The following CATSPERE variants were observed in gnomAD, a reference collection of about 807,000 sequenced individuals.
CATSPERE encodes the protein catsper channel auxiliary subunit epsilon, also known as cation channel sperm-associated auxiliary subunit epsilon.
Under a neutral mutation model 114.1 loss-of-function variants are expected in CATSPERE, and 93 were observed. The ratio of observed to expected loss-of-function variants is 0.81; its 90% confidence interval spans 0.69 to 0.97. The LOEUF is 0.97. CATSPERE is among the 50% of genes least tolerant of loss of function. CATSPERE has a pLI of 0.00. For missense variants in CATSPERE, 1,058 were observed against 1,131.6 expected, an observed-to-expected ratio of 0.93 and a Z score of 0.93; for synonymous variants, 341 against 384.1, an observed-to-expected ratio of 0.89 and a Z score of 1.31.
intron 8 of CATSPERE, among the ~76,000 whole-genome samples, chr1:244,540,238 T>C (rs1182226535): frequency 6.6e-6 from 1 of 150,992 alleles, no homozygotes; most frequent in African/African-American, 2.4e-5. Flanking sequence ...GCAGACGACA[T>C]GATTGTATAT....
intron 12 of CATSPERE, 113 bp from the exon 13 acceptor site, chr1:244,583,751 C>T (rs1051556355): frequency 1.8e-5 from 15 of 826,730 alleles, no homozygotes; most frequent in East Asian, 1.1e-4. Flanking sequence ...TAGAAATTGG[C>T]GTGGGAGGTC....
At chr1:244,520,855 G>A (rs909026549) in intron 8 of CATSPERE, among the ~76,000 whole-genome samples, 4 of 152,162 alleles carry the variant, frequency 2.6e-5, no homozygotes, top group African/African-American at 7.2e-5. Context: ...CTTGAGTAAT[G>A]TTTTAACTGA....
At position 244,461,404 on chromosome 1, in the gene CATSPERE, G is replaced by T. The variant is rs1042991027; in HGVS notation, c.-26G>T. ...AGGCCTGGACGGGAGTGGCCGAGGC[G>T]GTTGGGCGGAGGCGGAGCAGGCGCC... is the stretch of plus-strand genomic sequence containing the variant. On this transcript the variant is annotated 5_prime_UTR_variant, in exon 1 of 22. Coordinates refer to ENST00000366534, the MANE Select transcript of CATSPERE (RefSeq NM_001130957.2). The T allele has an allele frequency of 7.4e-7, 1 of 1,351,422 alleles. No homozygotes were observed. The highest frequency in any genetic ancestry group is 3.0e-5 in the East Asian group (1 of 33,078). The allele number at this position is 1,351,422 out of a possible 1,614,324, so 83.7% of individuals were successfully genotyped here. A position where few individuals can be genotyped will look rare whatever the true frequency, so the allele number is the denominator to read the frequency against.
chr1:244,616,515 C>G (rs952227374), intron 19 of CATSPERE, among the ~76,000 whole-genome samples: 1 of 152,184 alleles, frequency 6.6e-6, no homozygotes, highest in Non-Finnish European at 1.5e-5. Flanking sequence ...GATCAAGGAG[C>G]TGGCATCTGG....
chr1:244,470,613 C>T (rs1668324152), intron 2 of CATSPERE, among the ~76,000 whole-genome samples: 2 of 152,138 alleles, frequency 1.3e-5, no homozygotes, highest in Admixed American at 6.5e-5. Flanking sequence ...GCTCTTCAAA[C>T]AGTTAAACAT....
At chr1:244,623,710 T>C (rs1672698412) in intron 20 of CATSPERE, among the ~76,000 whole-genome samples, 1 of 152,184 alleles carries the variant, frequency 6.6e-6, no homozygotes, top group Non-Finnish European at 1.5e-5. Context: ...TCATGTGAAT[T>C]TTTTGGTTTC....
chr1:244,490,392 G>A lies in CATSPERE; in HGVS notation c.327-55G>A, dbSNP rs144650083. On this transcript the variant is annotated intron_variant, in intron 5 of 21. Transcript: ENST00000366534. ...CATGTATCTTGAAAGTAGAATATTC[G>A]ACCTAATGTTTAACAGGCTGTTTAC... The A allele has an allele frequency of 6.9e-4, 818 of 1,188,914 alleles. 3 individuals carry two copies. In the African/African-American group the frequency reaches 0.011, roughly 16 times the overall value. The allele number at this position is 1,188,914 out of a possible 1,614,324, so 73.6% of individuals were successfully genotyped here.
chr1:244,490,516 T>C, intron 6 of CATSPERE, 45 bp downstream of exon 6: 1 of 1,124,070 alleles, frequency 8.9e-7, no homozygotes, highest in Non-Finnish European at 1.3e-6. Context: ...ATATCACTAG[T>C]ATATTGTTTC....
At chr1:244,508,516 T>A (rs1042881500) in intron 7 of CATSPERE, among the ~76,000 whole-genome samples, 1 of 151,938 alleles carries the variant, frequency 6.6e-6, no homozygotes, top group Non-Finnish European at 1.5e-5. Flanking sequence ...TTAGCCAGGA[T>A]GGTCTCAATA....
At chr1:244,529,597 T>A (rs1243017703) in intron 8 of CATSPERE, among the ~76,000 whole-genome samples, 2 of 152,190 alleles carry the variant, frequency 1.3e-5, no homozygotes, top group Non-Finnish European at 2.9e-5. Context: ...TTGCAAATAT[T>A]TTCCCCCATT....
At chr1:244,559,463 GA>G (rs1337109212) in intron 9 of CATSPERE, among the ~76,000 whole-genome samples, 1 of 152,144 alleles carries the variant, frequency 6.6e-6, no homozygotes, top group Non-Finnish European at 1.5e-5. Flanking sequence ...CATGTACATA[GA>G]AATTACATTT....
rs146874470 is a variant in CATSPERE at position 244,572,696 on chromosome 1, C to T, written c.1874C>T (p.Ser625Phe). ...ACTGGTCTGTATGTTATTGTGGAAT[C>T]TTATGGCCCAAAAATATTACAAGAG... is the stretch of plus-strand genomic sequence containing the variant. Reference protein sequence around the residue: ...ENTGLYVIVESYGPKILQESH... With the variant: ...ENTGLYVIVEFYGPKILQESH... The change falls in exon 11 of 22, where the codon TCT (serine) becomes TTT (phenylalanine). Residue 625 changes from serine to phenylalanine, a missense_variant. Transcript: ENST00000366534. 9 of 1,613,680 alleles carry T rather than the reference C, an allele frequency of 5.6e-6. No homozygotes were observed. Among genetic ancestry groups the T allele is most frequent in the Non-Finnish European group, 7.6e-6 (9 of 1,179,908 alleles).
In CATSPERE at chr1:244,640,179, A is replaced by C; in HGVS notation, c.*98A>C. 1.1e-6 allele frequency: 1 copy of C among 952,224 alleles called. No individual in the cohort carries two copies. The highest frequency in any genetic ancestry group is 1.5e-6 in the Non-Finnish European group (1 of 680,196). The allele number at this position is 952,224 out of a possible 1,614,324, so 59.0% of individuals were successfully genotyped here. A position where few individuals can be genotyped will look rare whatever the true frequency, so the allele number is the denominator to read the frequency against. ...TGTGTGTTTGACCAAGAAATACTAA[A>C]TATAAGCTCGTAGTAGGCATCACCA... On this transcript the variant is annotated 3_prime_UTR_variant, in exon 22 of 22. Transcript: ENST00000366534.
chr1:244,527,400 G>C (rs1678818910), intron 8 of CATSPERE, among the ~76,000 whole-genome samples: 1 of 152,210 alleles, frequency 6.6e-6, no homozygotes, highest in East Asian at 1.9e-4. Flanking sequence ...ATATGGCTCT[G>C]TTCCGCCCGG....
chr1:244,480,927 T>C (rs2148166960), intron 5 of CATSPERE, among the ~76,000 whole-genome samples: 2 of 152,292 alleles, frequency 1.3e-5, no homozygotes, highest in Middle Eastern at 3.4e-3. Flanking sequence ...CAGCTTTTCC[T>C]CTATGGGTTC....
intron 2 of CATSPERE, among the ~76,000 whole-genome samples, chr1:244,474,969 C>T (rs143185262): frequency 1.5e-3 from 233 of 152,076 alleles, no homozygotes; most frequent in Non-Finnish European, 2.3e-3. Flanking sequence ...TCTTGAACTC[C>T]TGGGCTTAAG....
At chr1:244,510,820 T>TTTC (rs1675585631) in intron 7 of CATSPERE, among the ~76,000 whole-genome samples, 2 of 145,408 alleles carry the variant, frequency 1.4e-5, no homozygotes, top group Non-Finnish European at 3.0e-5. Context: ...TTCTTTTTTT[T>TTTC]TTCTTTTTCT....
rs912318940 is a variant in CATSPERE at position 244,574,133 on chromosome 1, A to T, written c.1950+1361A>T. Among the ~76,000 whole-genome samples, 24 of 152,250 alleles carry T rather than the reference A, an allele frequency of 1.6e-4. 1 individual carries two copies. The highest frequency in any genetic ancestry group is 2.8e-4 in the Non-Finnish European group (19 of 68,046). ...GCTGAACCTGACGGGCTAATAATTT[A>T]AAACTTTCCTAAATAGGTAAAGGCA... is the stretch of plus-strand genomic sequence containing the variant. On this transcript the variant is annotated intron_variant, in intron 11 of 21. Coordinates refer to ENST00000366534, the MANE Select transcript of CATSPERE (RefSeq NM_001130957.2).
chr1:244,515,295 G>A, intron 7 of CATSPERE: 1 of 976,454 alleles, frequency 1.0e-6, no homozygotes, highest in Non-Finnish European at 1.2e-6. Context: ...GATCACAGCT[G>A]TCTCATGAAA....
Sources: gnomAD v4.1 joint callset for allele counts (sites outside exome capture counted in the v4.1 genomes callset) on GRCh38, gnomAD v4.1.1 for gene constraint, MANE v1.5 for transcripts, NCBI Gene and HGNC (gene_info 2026-07-23, HGNC 2026-07-21) for gene names.